PEX6: variants seen among roughly 807,000 people sequenced by gnomAD.
The protein encoded by PEX6 is peroxisomal biogenesis factor 6.
In PEX6, 55 loss-of-function variants were observed where a neutral mutation model predicts 85.6. The ratio of observed to expected loss-of-function variants is 0.64; its 90% CI spans 0.52 to 0.80. The LOEUF is 0.80. PEX6 is among the 30% of genes least tolerant of loss of function. The pLI is 0.00. For missense variants in PEX6, 1,099 were observed against 1,260.3 expected, an observed-to-expected ratio of 0.87 and a Z score of 1.94; for synonymous variants, 519 against 549.1, an observed-to-expected ratio of 0.95 and a Z score of 0.77.
In PEX6 at chr6:42,964,951, AAC is replaced by A; in HGVS notation, c.2667-24_2667-23del. 1 of 1,614,136 alleles carries A rather than the reference AAC, an allele frequency of 6.2e-7. No individual in the cohort carries two copies. The highest frequency in any genetic ancestry group is 1.1e-5 in the South Asian group (1 of 91,082). On this transcript the variant is annotated intron_variant, in intron 15 of 16. Transcript: ENST00000304611. The surrounding 1 kb of genome is among the most constrained non-coding windows in gnomAD (Gnocchi z 4.6). Reference sequence around the variant, plus strand: ...GAATCTGTTGTGGGATACAGGAAGAAACAGAGTTGGCATCACCTCCTCCCTCG... The same window carrying A: ...GAATCTGTTGTGGGATACAGGAAGAAAGAGTTGGCATCACCTCCTCCCTCG...
intron 3 of PEX6, 107 bp from the exon 4 acceptor site, chr6:42,970,094 G>T: frequency 1.2e-6 from 1 of 842,236 alleles, no homozygotes. Flanking sequence ...CCACAAGAGC[G>T]TGTCCCGAGT....
Position 42,965,574 on chromosome 6 carries a change from C to T in PEX6, c.2471+107G>A, listed in dbSNP as rs1414845520. On this transcript the variant is annotated intron_variant, in intron 13 of 16. Coordinates refer to ENST00000304611, the MANE Select transcript of PEX6 (RefSeq NM_000287.4). This position sits in a 1 kb window ranked among gnomAD's most constrained non-coding sequence, Gnocchi z 5.0. ...CAGCTTCCATTATATTATCTCAGAA[C>T]TGAAACAGCAGGAACTTCTATCTCT... 4.2e-6 allele frequency: 4 copies of T among 957,344 alleles called. No homozygotes were observed. The highest frequency in any genetic ancestry group is 5.2e-6 in the Non-Finnish European group (3 of 581,890). 59.3% of individuals were successfully genotyped at this position (957,344 alleles called of 1,614,324 possible).
chr6:42,967,418 G>A lies in PEX6; in HGVS notation c.1834C>T (p.Leu612Phe), dbSNP rs750758458. 4 of 1,613,410 alleles carry A rather than the reference G, an allele frequency of 2.5e-6. No individual in the cohort carries two copies. In the East Asian group the frequency reaches 6.7e-5, roughly 27 times the overall value. Residue 612 changes from leucine to phenylalanine, a missense_variant, in exon 8 of 17, where the codon CTT (leucine) becomes TTT (phenylalanine). Around this residue, in one of 3 missense-constraint regions of PEX6, gnomAD observed 514 missense variants for 627.0 expected, o/e 0.82. Coordinates refer to ENST00000304611, the MANE Select transcript of PEX6 (RefSeq NM_000287.4). ...AAGTTCACCTCCTGGCCCAGGGGAA[G>A]GTGGGCAGTGAGGGCCCGCAGGATG... is the stretch of plus-strand genomic sequence containing the variant. Reference protein sequence around the residue: ...LSILRALTAHLPLGQEVNLAQ... With the variant: ...LSILRALTAHFPLGQEVNLAQ...
rs71855084 is a variant in PEX6, at chr6:42,974,442, G to GTTTTTTTTTTTTTTTT, written c.1047-357_1047-356insAAAAAAAAAAAAAAAA. On this transcript the variant is annotated intron_variant, in intron 2 of 16. Transcript: ENST00000304611. Reference sequence around the variant, plus strand: ...GCGCCTACCACAATCTGTCTGAAATGTTTTTTTTGTTTTTTTTTTTTTTTT... The same window carrying GTTTTTTTTTTTTTTTT: ...GCGCCTACCACAATCTGTCTGAAATGTTTTTTTTTTTTTTTTTTTTTTTTGTTTTTTTTTTTTTTTT... Among the ~76,000 whole-genome samples, 4 of 115,978 alleles carry GTTTTTTTTTTTTTTTT rather than the reference G, an allele frequency of 3.4e-5. 1 individual carries two copies. The highest frequency in any genetic ancestry group is 6.8e-5 in the Non-Finnish European group (4 of 58,798). 76.1% of individuals were successfully genotyped at this position (115,978 alleles called of 152,430 possible). A position where few individuals can be genotyped will look rare whatever the true frequency, so the allele number is the denominator to read the frequency against.
Position 42,963,918 on chromosome 6 carries a change from C to A in PEX6, c.*417G>T. On this transcript the variant is annotated 3_prime_UTR_variant, in exon 17 of 17. Coordinates refer to ENST00000304611, the MANE Select transcript of PEX6 (RefSeq NM_000287.4). ...ATTTATGTCAGAAGGATCAGGCTCC[C>A]ATGCTGCCCACCCCCCCACCCTCTC... is the stretch of plus-strand genomic sequence containing the variant. 2 of 634,678 alleles carry A rather than the reference C, an allele frequency of 3.2e-6. No homozygotes were observed. The highest frequency in any genetic ancestry group is 1.8e-5 in the South Asian group (1 of 56,552). The allele number at this position is 634,678 out of a possible 1,614,324, so 39.3% of individuals were successfully genotyped here.
intron 2 of PEX6, among the ~76,000 whole-genome samples, chr6:42,974,461 T>TG (rs1034141227): frequency 2.9e-5 from 4 of 139,680 alleles, no homozygotes; most frequent in African/African-American, 5.3e-5. Flanking sequence ...GTTTTTTTTT[T>TG]TTTTTTTTTT....
Position 42,977,768 on chromosome 6 carries a change from C to CAA in PEX6, c.882+499_882+500dup, listed in dbSNP as rs200706906. The stretch of plus-strand genomic sequence containing the variant: ...TGGGTGACAGAGCAAGACCCCATCT[C>CAA]AAAAAAAAAAAAAAAAAAAAAAAAA... On this transcript the variant is annotated intron_variant, in intron 1 of 16. Transcript: ENST00000304611. Among the ~76,000 whole-genome samples, 208 of 51,598 alleles carry CAA rather than the reference C, an allele frequency of 4.0e-3. 1 individual carries two copies. Among genetic ancestry groups the CAA allele is most frequent in the East Asian group, 6.1e-3 (9 of 1,478 alleles). 33.9% of individuals were successfully genotyped at this position (51,598 alleles called of 152,430 possible).
chr6:42,967,710 G>A (rs1769893031), intron 7 of PEX6, 147 bp from the exon 8 acceptor site: 1 of 673,150 alleles, frequency 1.5e-6, no homozygotes, highest in African/African-American at 1.8e-5. Context: ...CCAGTTCCTA[G>A]ATGGGGGAAC....
At chr6:42,972,388 A>G (rs1353388342) in intron 3 of PEX6, among the ~76,000 whole-genome samples, 1 of 152,144 alleles carries the variant, frequency 6.6e-6, no homozygotes, top group Non-Finnish European at 1.5e-5. Flanking sequence ...AAGAGGAGAA[A>G]AGCTGGATTC....
At chr6:42,969,109 C>T in intron 5 of PEX6, 124 bp from the exon 6 acceptor site, 1 of 714,084 alleles carries the variant, frequency 1.4e-6, no homozygotes, top group South Asian at 1.5e-5. Context: ...GCCTCCCTGA[C>T]CCCAGGACAG....
At position 42,965,031 on chromosome 6, in the gene PEX6, C is replaced by T. The variant is rs1346859857; in HGVS notation, c.2666+44G>A. The T allele has an allele frequency of 2.5e-6, 4 of 1,612,178 alleles. No homozygotes were observed. Among genetic ancestry groups the T allele is most frequent in the Non-Finnish European group, 2.5e-6 (3 of 1,178,168 alleles). On this transcript the variant is annotated intron_variant, in intron 15 of 16. Transcript: ENST00000304611. This position sits in a 1 kb window ranked among gnomAD's most constrained non-coding sequence, Gnocchi z 5.0. ...CATGTTGCATGCATCCCCTAAGCAT[C>T]CCAAGGCCCAAGCCCTTCGCAGTCT... is the stretch of plus-strand genomic sequence containing the variant.
chr6:42,970,142 C>A (rs142616952), intron 3 of PEX6, among the ~76,000 whole-genome samples, 155 bp from the exon 4 acceptor site: 36 of 152,344 alleles, frequency 2.4e-4, no homozygotes, highest in African/African-American at 8.7e-4. Context: ...ACTTTCTCAT[C>A]TTCCTGACAG....
chr6:42,977,495 G>A (rs1180587134), intron 1 of PEX6, among the ~76,000 whole-genome samples: 1 of 151,958 alleles, frequency 6.6e-6, no homozygotes, highest in African/African-American at 2.4e-5. Context: ...TTTGATTACA[G>A]AATATGGATC....
chr6:42,973,945 T>C (rs1201886568), intron 3 of PEX6, 58 bp downstream of exon 3: 2 of 1,152,832 alleles, frequency 1.7e-6, no homozygotes, highest in Non-Finnish European at 2.6e-6. Flanking sequence ...GAGGGGATTG[T>C]AGAACTCATG....
At chr6:42,969,626 A>T (rs1241059976) in intron 5 of PEX6, 42 bp downstream of exon 5, 1 of 1,611,316 alleles carries the variant, frequency 6.2e-7, no homozygotes, top group East Asian at 2.2e-5. Flanking sequence ...GGGATGTTCT[A>T]AGCAGGCTTT....
At position 42,978,631 on chromosome 6, in the gene PEX6, T is replaced by C. The variant is rs1581778904; in HGVS notation, c.520A>G (p.Ser174Gly). 3 of 1,589,038 alleles carry C rather than the reference T, an allele frequency of 1.9e-6. No homozygotes were observed. In the East Asian group the frequency reaches 6.9e-5, roughly 36 times the overall value. Residue 174 changes from serine to glycine, a missense_variant, in exon 1 of 17, where the codon AGT becomes GGT. By Grantham distance (56) the Ser-to-Gly change is moderately conservative. This residue lies in a region of PEX6 where 579 missense variants were observed against 611.6 expected (regional missense o/e 0.95). Coordinates refer to ENST00000304611, the MANE Select transcript of PEX6 (RefSeq NM_000287.4). ...ACCACGGGCGGGGGTGGGGGCCGACTGCTGTCCCCAGACTCTGGACACAGT... is the reference window on the plus strand; with the variant it reads ...ACCACGGGCGGGGGTGGGGGCCGACCGCTGTCCCCAGACTCTGGACACAGT... ...ARLCPESGDS[S>G]RPPPPPVVSS... is the part of the protein sequence containing the mutation.
chr6:42,969,415 A>C (rs1425432694), intron 5 of PEX6, among the ~76,000 whole-genome samples: 2 of 152,136 alleles, frequency 1.3e-5, no homozygotes, highest in African/African-American at 4.8e-5. Flanking sequence ...CAGTCTCAGA[A>C]ACAGATGCCC....
chr6:42,978,911 C>A lies in PEX6; in HGVS notation c.240G>T (p.Leu80=). The part of the protein sequence containing the change: ...GPPQLLVSRA[L]LRLLALGSGA... ...CGGAGCCCAGTGCCAGGAGCCGCAG[C>A]AGCGCGCGGCTAACCAGTAGCTGCG... The change falls in exon 1 of 17, where the codon CTG becomes CTT. Residue 80 remains leucine (L), a synonymous_variant. Transcript: ENST00000304611. The A allele has an allele frequency of 6.7e-7, 1 of 1,487,676 alleles. No individual in the cohort carries two copies. Among genetic ancestry groups the A allele is most frequent in the Non-Finnish European group, 8.9e-7 (1 of 1,127,326 alleles). The allele number at this position is 1,487,676 out of a possible 1,614,324, so 92.2% of individuals were successfully genotyped here. A position where few individuals can be genotyped will look rare whatever the true frequency, so the allele number is the denominator to read the frequency against.
At chr6:42,968,801 G>T in intron 6 of PEX6, 73 bp downstream of exon 6, 1 of 1,120,786 alleles carries the variant, frequency 8.9e-7, no homozygotes, top group Non-Finnish European at 1.4e-6. Flanking sequence ...GGAGGGGAGA[G>T]GAAGCAGCAG....
Sources: gnomAD v4.1 joint callset for allele counts (sites outside exome capture counted in the v4.1 genomes callset) on GRCh38, gnomAD v4.1.1 for gene constraint, gnomAD v4.1.1 regional missense constraint, Gnocchi (gnomAD v3.1) non-coding constraint, MANE v1.5 for transcripts, NCBI Gene and HGNC (gene_info 2026-07-23, HGNC 2026-07-21) for gene names.